MIR2052HG: variants seen among roughly 807,000 people sequenced by gnomAD.
The protein encoded by MIR2052HG is MIR2052 host gene.
At chr8:74,751,306 G>A (rs1487512071) in intron 4 of MIR2052HG, among the ~76,000 whole-genome samples, 6 of 152,142 alleles carry the variant, frequency 3.9e-5, no homozygotes, top group Non-Finnish European at 1.5e-5. Flanking sequence ...GTTTTCAATG[G>A]CCTCCAAGTA....
At chr8:74,730,438 C>T (rs997602283) in intron 4 of MIR2052HG, among the ~76,000 whole-genome samples, 2 of 152,072 alleles carry the variant, frequency 1.3e-5, no homozygotes, top group African/African-American at 4.8e-5. Context: ...GAACATAGTA[C>T]GTAAATGCAC....
At chr8:74,733,086 AT>A (rs1297366866) in intron 4 of MIR2052HG, among the ~76,000 whole-genome samples, 6 of 147,656 alleles carry the variant, frequency 4.1e-5, no homozygotes, top group African/African-American at 1.6e-4. Flanking sequence ...TTATTTATTT[AT>A]TTTATTATTA....
chr8:74,649,243 T>A (rs1808727397), intron 2 of MIR2052HG, among the ~76,000 whole-genome samples: 1 of 152,162 alleles, frequency 6.6e-6, no homozygotes, highest in African/African-American at 2.4e-5. Context: ...CTTGAACCAC[T>A]TTATAGAGTT....
intron 2 of MIR2052HG, among the ~76,000 whole-genome samples, chr8:74,652,790 A>G (rs868381561): frequency 7.2e-5 from 11 of 152,176 alleles, no homozygotes; most frequent in African/African-American, 2.4e-4. Flanking sequence ...TCAGAATTTT[A>G]TGTGAACTGG....
intron 2 of MIR2052HG, among the ~76,000 whole-genome samples, chr8:74,659,481 C>T (rs984859602): frequency 2.6e-5 from 4 of 151,816 alleles, no homozygotes; most frequent in Non-Finnish European, 4.4e-5. Context: ...CATTTTTTTG[C>T]TGAAGCTGGA....
intron 1 of MIR2052HG, among the ~76,000 whole-genome samples, chr8:74,602,873 C>CTTTCTTTCT (rs940052573): frequency 1.5e-4 from 21 of 138,692 alleles, no homozygotes; most frequent in African/African-American, 3.8e-4. Flanking sequence ...TTCTTTCTTT[C>CTTTCTTTCT]TTTTTTCTAT....
intron 2 of MIR2052HG, among the ~76,000 whole-genome samples, chr8:74,668,771 C>A (rs183255875): frequency 1.3e-4 from 20 of 152,172 alleles, no homozygotes; most frequent in South Asian, 4.1e-4. Context: ...AAGGTAAGAA[C>A]CTTTTTGTGG....
chr8:74,627,720 G>A (rs1278136866), intron 2 of MIR2052HG, among the ~76,000 whole-genome samples: 4 of 152,224 alleles, frequency 2.6e-5, no homozygotes, highest in Non-Finnish European at 5.9e-5. Context: ...ATGTAATGGT[G>A]TGTTGGTGTG....
At chr8:74,677,956 A>G (rs772910715) in intron 2 of MIR2052HG, among the ~76,000 whole-genome samples, 2 of 152,220 alleles carry the variant, frequency 1.3e-5, no homozygotes, top group African/African-American at 2.4e-5. Context: ...GAAAAAGCTC[A>G]TAACTACAAA....
At chr8:74,736,136 G>A (rs1809742765) in intron 4 of MIR2052HG, among the ~76,000 whole-genome samples, 1 of 152,122 alleles carries the variant, frequency 6.6e-6, no homozygotes, top group Admixed American at 6.6e-5. Context: ...CTTGATCTGT[G>A]AAACATTTCC....
At chr8:74,673,885 TTGTATA>T in intron 2 of MIR2052HG, among the ~76,000 whole-genome samples, 1 of 65,886 alleles carries the variant, frequency 1.5e-5, no homozygotes, top group Non-Finnish European at 2.5e-5. Flanking sequence ...CAGTATTTTT[TTGTATA>T]TATATATATA....
chr8:74,616,027 G>A (rs2128731969), intron 2 of MIR2052HG, among the ~76,000 whole-genome samples: 1 of 152,224 alleles, frequency 6.6e-6, no homozygotes, highest in South Asian at 2.1e-4. Context: ...GGACGTTTGG[G>A]TTGGTTCCAA....
chr8:74,662,109 C>G (rs758208171), intron 2 of MIR2052HG, among the ~76,000 whole-genome samples: 4 of 152,134 alleles, frequency 2.6e-5, no homozygotes, highest in African/African-American at 7.2e-5. Flanking sequence ...CACAGCAAAT[C>G]GAGCATTATG....
intron 1 of MIR2052HG, among the ~76,000 whole-genome samples, chr8:74,602,175 G>GGCCAAAACCT (rs887887660): frequency 6.6e-6 from 1 of 152,142 alleles, no homozygotes; most frequent in South Asian, 2.1e-4. Context: ...TAAAGAAGCT[G>GGCCAAAACCT]GCCAAAACCT....
At chr8:74,746,567 A>AGTGTGTGTGCGTGT (rs1809888896) in intron 4 of MIR2052HG, among the ~76,000 whole-genome samples, 1 of 147,538 alleles carries the variant, frequency 6.8e-6, no homozygotes, top group African/African-American at 2.5e-5. Context: ...GAGGAGAAGA[A>AGTGTGTGTGCGTGT]GTGTGTGTGT....
chr8:74,654,124 T>G (rs1044567093), intron 2 of MIR2052HG, among the ~76,000 whole-genome samples: 2 of 152,112 alleles, frequency 1.3e-5, no homozygotes, highest in African/African-American at 4.8e-5. Flanking sequence ...AGAATCGTAT[T>G]TGGGGTCTAC....
intron 2 of MIR2052HG, among the ~76,000 whole-genome samples, chr8:74,619,197 C>A (rs111786828): frequency 5.9e-5 from 9 of 151,938 alleles, no homozygotes; most frequent in South Asian, 2.1e-4. Context: ...CCATACTACC[C>A]AAAGCAATAT....
intron 2 of MIR2052HG, among the ~76,000 whole-genome samples, chr8:74,634,493 C>T (rs1291282102): frequency 6.6e-6 from 1 of 152,130 alleles, no homozygotes; most frequent in Admixed American, 6.5e-5. Context: ...TTTCTTAATA[C>T]ATTCTTAATA....
At chr8:74,629,777 C>T (rs1476960421) in intron 2 of MIR2052HG, among the ~76,000 whole-genome samples, 3 of 152,044 alleles carry the variant, frequency 2.0e-5, no homozygotes, top group East Asian at 1.9e-4. Context: ...ATAAATATAT[C>T]AATGGTCACT....
Sources: allele counts gnomAD v4.1 joint callset (sites outside exome capture counted in the v4.1 genomes callset), GRCh38; gene constraint gnomAD v4.1.1; transcripts MANE v1.5; gene names NCBI Gene and HGNC (gene_info 2026-07-23, HGNC 2026-07-21).